RBFOX3: variants seen among roughly 807,000 people sequenced by gnomAD.
The protein encoded by RBFOX3 is RNA binding protein fox-1 homolog 3.
Under a neutral mutation model 48.7 loss-of-function variants are expected in RBFOX3, and 17 were observed. The ratio of observed to expected loss-of-function variants is 0.35; its 90% CI spans 0.24 to 0.52. RBFOX3 has a LOEUF of 0.52. Among genes scored for constraint, RBFOX3 ranks in the 20% least tolerant of loss-of-function variants. The pLI is 0.94. For missense variants in RBFOX3, 382 were observed against 497.5 expected (o/e 0.77, Z 2.21); for synonymous variants, 212 against 209.5 (o/e 1.01, Z -0.10).
the RBFOX3 span, among the ~76,000 whole-genome samples, chr17:79,655,528 A>ATTTTGGCAGTAAAAGTC: frequency 6.6e-6 from 1 of 152,202 alleles, no homozygotes; most frequent in African/African-American, 2.4e-5. Flanking sequence ...TTACCTTCTA[A>ATTTTGGCAGTAAAAGTC]TTTTGGCAGT....
chr17:79,509,356 AC>A (rs1194567799), intron 1 of RBFOX3, among the ~76,000 whole-genome samples: 3 of 150,974 alleles, frequency 2.0e-5, no homozygotes, highest in Non-Finnish European at 1.5e-5. Flanking sequence ...TCCTCCCCAC[AC>A]CCCCTCCAGC....
At chr17:79,543,607 C>T (rs888246258) in intron 1 of RBFOX3, among the ~76,000 whole-genome samples, 28 of 152,032 alleles carry the variant, frequency 1.8e-4, no homozygotes, top group Non-Finnish European at 3.7e-4. Flanking sequence ...TCAGGGCCTC[C>T]GAGGAAAAGG....
At chr17:79,381,683 T>G (rs1050280775) in intron 2 of RBFOX3, among the ~76,000 whole-genome samples, 1 of 152,134 alleles carries the variant, frequency 6.6e-6, no homozygotes, top group African/African-American at 2.4e-5. Flanking sequence ...AGGGGCAGAG[T>G]TGGGGGCAGG....
intron 2 of RBFOX3, among the ~76,000 whole-genome samples, chr17:79,310,295 C>T (rs2076669473): frequency 6.6e-6 from 1 of 152,130 alleles, no homozygotes; most frequent in African/African-American, 2.4e-5. Flanking sequence ...ATTCCTGAGC[C>T]TGGGGGTCCA....
At chr17:79,092,813 G>T (rs114378137) in intron 14 of RBFOX3, among the ~76,000 whole-genome samples, 2,148 of 152,330 alleles carry the variant, frequency 0.014, 49 homozygotes, top group African/African-American at 0.048. Context: ...AACAGGAAGA[G>T]TAGGACCTGC....
At position 79,214,978 on chromosome 17, in the gene RBFOX3, G is replaced by A. The variant is rs1023803721; in HGVS notation, c.-34+20788C>T. ...GTGCCGGTCAATTATGAAGCCACCC[G>A]CTGGTGCTGCCCCCACACCCGTCAC... is the stretch of plus-strand genomic sequence containing the variant. On this transcript the variant is annotated intron_variant, in intron 4 of 14. Coordinates refer to ENST00000693108, the MANE Select transcript of RBFOX3 (RefSeq NM_001350451.2). This position sits in a 1 kb window ranked among gnomAD's most constrained non-coding sequence, Gnocchi z 4.7. Among the ~76,000 whole-genome samples the A allele has an allele frequency of 2.0e-4, 31 of 152,048 alleles. No individual in the cohort carries two copies. The highest frequency in any genetic ancestry group is 5.9e-5 in the Non-Finnish European group (4 of 68,018).
At chr17:79,643,372 C>T in the RBFOX3 span, among the ~76,000 whole-genome samples, 1 of 152,146 alleles carries the variant, frequency 6.6e-6, no homozygotes, top group African/African-American at 2.4e-5. Flanking sequence ...AATTCTAACA[C>T]CCCTCTCTTG....
chr17:79,510,817 G>C (rs2084046914), intron 1 of RBFOX3, among the ~76,000 whole-genome samples: 1 of 152,146 alleles, frequency 6.6e-6, no homozygotes, highest in Admixed American at 6.5e-5. Flanking sequence ...GGGCAGGGGA[G>C]GGCAGCCAGG....
Position 79,103,105 on chromosome 17 carries a change from T to A in RBFOX3, c.507+57A>T. On this transcript the variant is annotated intron_variant, in intron 8 of 14. Transcript: ENST00000693108. This position sits in a 1 kb window ranked among gnomAD's most constrained non-coding sequence, Gnocchi z 6.1. ...GGCAGGGCTGGTTGGTTGGGGGAGCTGGGGGGCAGGTGGGCGATCTTGGGG... is the reference window on the plus strand; with the variant it reads ...GGCAGGGCTGGTTGGTTGGGGGAGCAGGGGGGCAGGTGGGCGATCTTGGGG... 2 of 1,322,000 alleles carry A rather than the reference T, an allele frequency of 1.5e-6. No homozygotes were observed. Among genetic ancestry groups the A allele is most frequent in the Non-Finnish European group, 2.1e-6 (2 of 940,528 alleles). 81.9% of individuals were successfully genotyped at this position (1,322,000 alleles called of 1,614,324 possible). A position where few individuals can be genotyped will look rare whatever the true frequency, so the allele number is the denominator to read the frequency against.
intron 3 of RBFOX3, among the ~76,000 whole-genome samples, chr17:79,237,558 G>A (rs925664709): frequency 2.6e-5 from 4 of 152,230 alleles, no homozygotes; most frequent in African/African-American, 7.2e-5. Context: ...AGGCGAGAAT[G>A]AACGTGGCCA....
chr17:79,443,013 C>T lies in RBFOX3; in HGVS notation c.-175+39441G>A, dbSNP rs11654754. ...CTCGGCATTGGTCAGAAGCCTCCAC[C>T]TGCCTGGAGAACCCCTGGAAAACAT... On this transcript the variant is annotated intron_variant, in intron 2 of 14. Transcript: ENST00000693108. This position sits in a 1 kb window ranked among gnomAD's most constrained non-coding sequence, Gnocchi z 4.4. 1.3e-5 allele frequency among the ~76,000 whole-genome samples: 2 copies of T among 152,222 alleles called. No homozygotes were observed. The highest frequency in any genetic ancestry group is 4.8e-5 in the African/African-American group (2 of 41,466).
In RBFOX3 at chr17:79,353,136, C is replaced by A. The variant is rs375298694; in HGVS notation, c.-174-45312G>T. Among the ~76,000 whole-genome samples the A allele has an allele frequency of 2.0e-5, 3 of 152,336 alleles. No individual in the cohort carries two copies. The East Asian group carries it at 5.8e-4, about 29-fold the overall frequency. ...AACTATGAGCCTGCGTTGGCCTGGACGATCATGCCCTGAACAACCTCGCCC... is the reference window on the plus strand; with the variant it reads ...AACTATGAGCCTGCGTTGGCCTGGAAGATCATGCCCTGAACAACCTCGCCC... On this transcript the variant is annotated intron_variant, in intron 2 of 14. Transcript: ENST00000693108.
chr17:79,500,250 C>CTTTTT (rs1222646327), intron 1 of RBFOX3, among the ~76,000 whole-genome samples: 30 of 104,222 alleles, frequency 2.9e-4, no homozygotes, highest in African/African-American at 5.0e-4. Flanking sequence ...AGAGAAATGA[C>CTTTTT]TTTTTTTTTT....
intron 2 of RBFOX3, among the ~76,000 whole-genome samples, chr17:79,360,697 A>T (rs1235139941): frequency 6.6e-6 from 1 of 152,160 alleles, no homozygotes; most frequent in East Asian, 1.9e-4. Flanking sequence ...CTGTTAATTT[A>T]TAGGGTTATC....
In RBFOX3 at chr17:79,214,565, G is replaced by C. The variant is rs565157972; in HGVS notation, c.-34+21201C>G. 6.6e-6 allele frequency among the ~76,000 whole-genome samples: 1 copy of C among 151,942 alleles called. No homozygotes were observed. Among genetic ancestry groups the C allele is most frequent in the African/African-American group, 2.4e-5 (1 of 41,356 alleles). On this transcript the variant is annotated intron_variant, in intron 4 of 14. Coordinates refer to ENST00000693108, the MANE Select transcript of RBFOX3 (RefSeq NM_001350451.2). The surrounding 1 kb of genome is among the most constrained non-coding windows in gnomAD (Gnocchi z 4.7). Reference sequence around the variant, plus strand: ...AGGCCAAGTGGGAGGGATGTCTGGGGGGGGTCTCGGAGGAAGCAGGAAGGG... The same window carrying C: ...AGGCCAAGTGGGAGGGATGTCTGGGCGGGGTCTCGGAGGAAGCAGGAAGGG...
At chr17:79,594,835 G>A (rs1327527492) in intron 1 of RBFOX3, among the ~76,000 whole-genome samples, 1 of 152,124 alleles carries the variant, frequency 6.6e-6, no homozygotes, top group Non-Finnish European at 1.5e-5. Context: ...CACCCACTCA[G>A]CGCTTCCCCA....
At chr17:79,135,530 G>T (rs1329740521) in intron 4 of RBFOX3, among the ~76,000 whole-genome samples, 1 of 152,174 alleles carries the variant, frequency 6.6e-6, no homozygotes, top group Non-Finnish European at 1.5e-5. Flanking sequence ...GCTTCCAACA[G>T]GGGGGCATCT....
At chr17:79,289,527 C>G (rs1466154398) in intron 3 of RBFOX3, among the ~76,000 whole-genome samples, 4 of 152,224 alleles carry the variant, frequency 2.6e-5, no homozygotes, top group Non-Finnish European at 5.9e-5. Flanking sequence ...TCTGTTTAAG[C>G]CACAGCTTCC....
intron 3 of RBFOX3, among the ~76,000 whole-genome samples, chr17:79,297,337 C>T (rs1270596246): frequency 6.6e-6 from 1 of 152,214 alleles, no homozygotes; most frequent in African/African-American, 2.4e-5. Context: ...TGAGCTAGCC[C>T]TGTGGAGAGC....
Sources: gnomAD v4.1 joint callset for allele counts (sites outside exome capture counted in the v4.1 genomes callset) on GRCh38, gnomAD v4.1.1 for gene constraint, Gnocchi (gnomAD v3.1) non-coding constraint, MANE v1.5 for transcripts, NCBI Gene and HGNC (gene_info 2026-07-23, HGNC 2026-07-21) for gene names.